FAM110B: variants seen among roughly 807,000 people sequenced by gnomAD.
The protein encoded by FAM110B is family with sequence similarity 110 member B.
Under a neutral mutation model 20.4 loss-of-function variants are expected in FAM110B, and 6 were observed. The ratio of observed to expected loss-of-function variants is 0.29; its 90% CI spans 0.16 to 0.58. FAM110B has a LOEUF of 0.58. Among genes scored for constraint, FAM110B ranks in the 20% least tolerant of loss-of-function variants. The pLI, the probability that FAM110B is intolerant of heterozygous loss-of-function variation, is 0.90. For synonymous variants in FAM110B, 226 were observed against 214.1 expected, an observed-to-expected ratio of 1.06 and a Z score of -0.49; for missense variants, 434 against 498.2, an observed-to-expected ratio of 0.87 and a Z score of 1.23.
intron 3 of FAM110B, among the ~76,000 whole-genome samples, chr8:58,093,576 C>G (rs1472413727): frequency 1.3e-5 from 2 of 152,134 alleles, no homozygotes; most frequent in South Asian, 2.1e-4. Context: ...GGTGTTATTT[C>G]TGAGGCCTGT....
chr8:58,049,794 C>T (rs1805403354), intron 2 of FAM110B, among the ~76,000 whole-genome samples: 1 of 152,102 alleles, frequency 6.6e-6, no homozygotes, highest in African/African-American at 2.4e-5. Context: ...TAAGTTAATG[C>T]TCACTCTTAA....
At chr8:58,123,075 G>T (rs113479508) in intron 3 of FAM110B, among the ~76,000 whole-genome samples, 1 of 152,152 alleles carries the variant, frequency 6.6e-6, no homozygotes, top group Non-Finnish European at 1.5e-5. Context: ...GCAGAGCGGG[G>T]AGCTAAAGGT....
At chr8:57,999,478 G>A (rs1030197193) in intron 1 of FAM110B, among the ~76,000 whole-genome samples, 1 of 151,754 alleles carries the variant, frequency 6.6e-6, no homozygotes, top group African/African-American at 2.4e-5. Flanking sequence ...TTTTTAGGAG[G>A]AATCACATAT....
intron 3 of FAM110B, among the ~76,000 whole-genome samples, chr8:58,078,335 C>A (rs1416387119): frequency 6.6e-6 from 1 of 152,070 alleles, no homozygotes; most frequent in East Asian, 1.9e-4. Context: ...GAATATGAAA[C>A]GTCCTGAGTA....
At chr8:58,089,265 T>C (rs1256115306) in intron 3 of FAM110B, among the ~76,000 whole-genome samples, 1 of 152,210 alleles carries the variant, frequency 6.6e-6, no homozygotes, top group Admixed American at 6.5e-5. Flanking sequence ...TCTATCAACC[T>C]TGTCATTTGA....
intron 3 of FAM110B, chr8:58,106,397 A>G (rs1806919185): frequency 2.0e-5 from 3 of 152,174 alleles, no homozygotes; most frequent in Admixed American, 1.3e-4. Flanking sequence ...ACTCATGTGG[A>G]ATTTTACAAA....
chr8:58,127,924 G>A (rs1217070015), intron 3 of FAM110B, among the ~76,000 whole-genome samples: 1 of 152,136 alleles, frequency 6.6e-6, no homozygotes, highest in Non-Finnish European at 1.5e-5. Flanking sequence ...TCCATAAGGG[G>A]TTTTGGAGAT....
At chr8:58,029,874 T>A (rs1046735903) in intron 1 of FAM110B, among the ~76,000 whole-genome samples, 1 of 152,244 alleles carries the variant, frequency 6.6e-6, no homozygotes, top group African/African-American at 2.4e-5. Flanking sequence ...TATGTGGTAT[T>A]ACTCCCTGTC....
At chr8:58,007,373 C>T (rs1051182200) in intron 1 of FAM110B, among the ~76,000 whole-genome samples, 14 of 152,242 alleles carry the variant, frequency 9.2e-5, no homozygotes, top group Admixed American at 2.6e-4. Context: ...TCCTACCAGA[C>T]GCGGGTGATG....
chr8:58,084,843 G>T (rs1479332897), intron 3 of FAM110B, among the ~76,000 whole-genome samples: 1 of 152,120 alleles, frequency 6.6e-6, no homozygotes, highest in Non-Finnish European at 1.5e-5. Context: ...TGCCAGCAGG[G>T]ATTTTATGGA....
At chr8:58,033,308 A>G (rs1179749541) in intron 2 of FAM110B, among the ~76,000 whole-genome samples, 1 of 152,136 alleles carries the variant, frequency 6.6e-6, no homozygotes. Flanking sequence ...CCATTGATGT[A>G]CACCTAGGTT....
intron 1 of FAM110B, among the ~76,000 whole-genome samples, chr8:58,002,567 A>G (rs1804319713): frequency 6.6e-6 from 1 of 152,214 alleles, no homozygotes; most frequent in South Asian, 2.1e-4. Flanking sequence ...TGAAGACAGT[A>G]TCTACTGGCA....
chr8:58,142,995 G>A (rs1354378575), intron 3 of FAM110B, among the ~76,000 whole-genome samples: 1 of 152,158 alleles, frequency 6.6e-6, no homozygotes, highest in Admixed American at 6.5e-5. Context: ...AGTATCATGT[G>A]CCACAGTGCT....
chr8:58,017,638 T>G (rs191374761), intron 1 of FAM110B, among the ~76,000 whole-genome samples: 103 of 152,304 alleles, frequency 6.8e-4, no homozygotes, highest in African/African-American at 2.2e-3. Context: ...AAATTCTGAG[T>G]GACATTACAG....
Position 58,146,381 on chromosome 8 carries a change from G to A in FAM110B, c.151G>A (p.Val51Met), listed in dbSNP as rs1355222894. The part of the protein sequence containing the change: ...AEPNPKRLSA[V>M]ERLEADKAKY... ...GCCCAACCCCAAGAGGCTCAGCGCC[G>A]TGGAGAGGCTGGAGGCCGACAAGGC... Residue 51 changes from valine to methionine, a missense_variant, in exon 4 of 4, where the codon GTG becomes ATG. By Grantham distance (21) the Val-to-Met change is conservative. Around this residue, in one of 3 missense-constraint regions of FAM110B, gnomAD observed 56 missense variants for 82.1 expected, o/e 0.68. Transcript: ENST00000519262. The A allele has an allele frequency of 2.5e-6, 4 of 1,613,940 alleles. No individual in the cohort carries two copies. Among genetic ancestry groups the A allele is most frequent in the African/African-American group, 1.3e-5 (1 of 74,932 alleles).
intron 3 of FAM110B, among the ~76,000 whole-genome samples, chr8:58,129,266 C>A (rs1366766019): frequency 6.6e-6 from 1 of 152,192 alleles, no homozygotes; most frequent in East Asian, 1.9e-4. Context: ...AGCTCTGAGC[C>A]AGTGGCCTCA....
chr8:58,039,202 A>G (rs781611927), intron 2 of FAM110B, among the ~76,000 whole-genome samples: 1 of 152,188 alleles, frequency 6.6e-6, no homozygotes, highest in Non-Finnish European at 1.5e-5. Flanking sequence ...TGCTGAGCCC[A>G]GAGTCATTGT....
At chr8:58,027,143 T>G (rs917042782) in intron 1 of FAM110B, among the ~76,000 whole-genome samples, 1 of 152,220 alleles carries the variant, frequency 6.6e-6, no homozygotes, top group Non-Finnish European at 1.5e-5. Flanking sequence ...TCCCTTTACA[T>G]TGAAGAAATT....
At chr8:58,055,667 C>T (rs1165733552) in intron 2 of FAM110B, among the ~76,000 whole-genome samples, 3 of 152,158 alleles carry the variant, frequency 2.0e-5, no homozygotes, top group South Asian at 2.1e-4. Context: ...CTAAGGTGCA[C>T]GGGCCTTGTT....
Sources: allele counts gnomAD v4.1 joint callset (sites outside exome capture counted in the v4.1 genomes callset), GRCh38; gene constraint gnomAD v4.1.1; regional missense constraint gnomAD v4.1.1; transcripts MANE v1.5; gene names NCBI Gene and HGNC (gene_info 2026-07-23, HGNC 2026-07-21).